The following RORA variants were observed in gnomAD, a reference collection of about 807,000 sequenced individuals.
The protein encoded by RORA is nuclear receptor ROR-alpha.
In RORA, 7 loss-of-function variants were observed where a neutral mutation model predicts 69.5. That is an observed-to-expected ratio of 0.10 (90% CI 0.06 to 0.19). RORA has a LOEUF of 0.19. RORA is among the 10% of genes least tolerant of loss of function. RORA has a pLI of 1.00. For missense variants in RORA, 457 were observed against 663.0 expected (o/e 0.69, Z 3.41); for synonymous variants, 261 against 240.8 (o/e 1.08, Z -0.78).
intron 1 of RORA, among the ~76,000 whole-genome samples, chr15:61,129,766 C>T (rs757796110): frequency 1.3e-5 from 2 of 152,166 alleles, no homozygotes; most frequent in Admixed American, 1.3e-4. Context: ...CTTCCATCTC[C>T]CTGGTTTCCT....
At chr15:61,126,639 T>C (rs147772784) in intron 1 of RORA, among the ~76,000 whole-genome samples, 11 of 152,318 alleles carry the variant, frequency 7.2e-5, no homozygotes, top group African/African-American at 2.6e-4. Flanking sequence ...AGATGCCAGA[T>C]AGAATATTCA....
At chr15:61,173,994 C>A (rs2079606903) in intron 1 of RORA, among the ~76,000 whole-genome samples, 1 of 152,184 alleles carries the variant, frequency 6.6e-6, no homozygotes, top group Non-Finnish European at 1.5e-5. Flanking sequence ...TAGCAAACTC[C>A]CCAGGAGACC....
At chr15:60,790,780 C>T (rs1254597250) in intron 1 of RORA, among the ~76,000 whole-genome samples, 1 of 152,142 alleles carries the variant, frequency 6.6e-6, no homozygotes, top group Non-Finnish European at 1.5e-5. Flanking sequence ...GCGCTCTTGT[C>T]CTGGTTATAT....
rs2065698854 is a variant in RORA at position 60,511,540 on chromosome 15, T to G, written c.506A>C (p.Gln169Pro). ...TCCAGGCTGCTGCTGGTGGTCGCGC[T>G]GCTGCTGCTGCATCCGGTGTTTCTG... Reference protein sequence around the residue: ...EVQKHRMQQQQRDHQQQPGEA... With the variant: ...EVQKHRMQQQPRDHQQQPGEA... The change falls in exon 5 of 11, where the codon CAG (glutamine) becomes CCG (proline). Residue 169 changes from glutamine (Q) to proline (P), a missense_variant. Transcript: ENST00000335670. The surrounding 1 kb of genome is among the most constrained non-coding windows in gnomAD (Gnocchi z 6.4). 6.2e-7 allele frequency: 1 copy of G among 1,612,206 alleles called. No homozygotes were observed.
At chr15:60,738,558 A>T (rs111529355) in intron 1 of RORA, among the ~76,000 whole-genome samples, 4,192 of 152,336 alleles carry the variant, frequency 0.028, 209 homozygotes, top group African/African-American at 0.097. Context: ...ATTTTATGAT[A>T]TCGTTGGTAT....
intron 1 of RORA, among the ~76,000 whole-genome samples, chr15:61,130,990 A>T (rs719006): frequency 0.55 from 84,185 of 152,068 alleles, 24,885 homozygotes; most frequent in Non-Finnish European, 0.68. Flanking sequence ...CTGACTCCAA[A>T]TATAAGTCTA....
intron 2 of RORA, among the ~76,000 whole-genome samples, chr15:60,628,178 T>A (rs2069642577): frequency 6.6e-6 from 1 of 152,196 alleles, no homozygotes; most frequent in South Asian, 2.1e-4. Flanking sequence ...CAGGATCCCA[T>A]CCGATCTCAC....
intron 1 of RORA, among the ~76,000 whole-genome samples, chr15:60,724,426 G>T (rs1299898306): frequency 6.6e-6 from 1 of 152,158 alleles, no homozygotes; most frequent in African/African-American, 2.4e-5. Flanking sequence ...CTAGTATGTG[G>T]TAGAACCAAG....
At chr15:60,547,310 T>C (rs1256790580) in intron 2 of RORA, among the ~76,000 whole-genome samples, 2 of 146,420 alleles carry the variant, frequency 1.4e-5, no homozygotes, top group East Asian at 2.1e-4. Context: ...CTGTACTTTA[T>C]AGTCCCTCTC....
chr15:61,016,281 C>T (rs1253469545), intron 1 of RORA, among the ~76,000 whole-genome samples: 1 of 152,174 alleles, frequency 6.6e-6, no homozygotes, highest in East Asian at 1.9e-4. Context: ...TTGCACCTGG[C>T]ATTCGAGAAG....
intron 1 of RORA, among the ~76,000 whole-genome samples, chr15:60,946,073 G>A (rs1312031644): frequency 2.0e-5 from 3 of 152,168 alleles, no homozygotes; most frequent in South Asian, 2.1e-4. Context: ...ATTCCAAGGG[G>A]AGAGTGAAGC....
At chr15:61,064,670 A>G (rs2078232866) in intron 1 of RORA, among the ~76,000 whole-genome samples, 1 of 152,174 alleles carries the variant, frequency 6.6e-6, no homozygotes, top group Non-Finnish European at 1.5e-5. Flanking sequence ...TACCATGGAT[A>G]GCTTTGGTGG....
chr15:60,991,275 GTGAA>G (rs34165861), intron 1 of RORA, among the ~76,000 whole-genome samples: 41,057 of 151,644 alleles, frequency 0.27, 5,713 homozygotes, highest in South Asian at 0.38. Context: ...TGTTGAGTGA[GTGAA>G]TGAATGAATG....
At chr15:60,988,661 T>C (rs1271754119) in intron 1 of RORA, among the ~76,000 whole-genome samples, 2 of 152,214 alleles carry the variant, frequency 1.3e-5, no homozygotes, top group African/African-American at 2.4e-5. Context: ...CTCCAAACGC[T>C]GTAGCTGTCT....
chr15:61,172,366 A>G (rs773800620), intron 1 of RORA, among the ~76,000 whole-genome samples: 6 of 152,234 alleles, frequency 3.9e-5, no homozygotes, highest in Non-Finnish European at 5.9e-5. Context: ...TCATGAAAAC[A>G]TAAATTAGTG....
At position 60,514,774 on chromosome 15, in the gene RORA, A is replaced by G. The variant is rs1324641558; in HGVS notation, c.283-17T>C. 1 of 1,611,056 alleles carries G rather than the reference A, an allele frequency of 6.2e-7. No individual in the cohort carries two copies. The highest frequency in any genetic ancestry group is 1.3e-5 in the African/African-American group (1 of 74,854). On this transcript the variant is annotated splice_polypyrimidine_tract_variant and intron_variant, in intron 3 of 10. Transcript: ENST00000335670. Reference sequence around the variant, plus strand: ...GAAAAAGCCCTGTGATATGGTTATAAAATATAAAACAGGTTAGTGTCAGAA... The same window carrying G: ...GAAAAAGCCCTGTGATATGGTTATAGAATATAAAACAGGTTAGTGTCAGAA...
intron 1 of RORA, among the ~76,000 whole-genome samples, chr15:60,798,183 A>C (rs2072524922): frequency 6.6e-6 from 1 of 151,842 alleles, no homozygotes; most frequent in South Asian, 2.1e-4. Flanking sequence ...ATGAGCTCAG[A>C]AGCTTTCCTC....
intron 2 of RORA, among the ~76,000 whole-genome samples, chr15:60,542,153 T>G (rs2066892344): frequency 6.6e-6 from 1 of 152,188 alleles, no homozygotes; most frequent in South Asian, 2.1e-4. Flanking sequence ...ACGGCAAGGT[T>G]TTGAAATCCA....
At chr15:61,160,399 A>C (rs754019664) in intron 1 of RORA, among the ~76,000 whole-genome samples, 20 of 152,218 alleles carry the variant, frequency 1.3e-4, no homozygotes, top group Admixed American at 7.2e-4. Context: ...TTTTCACAGC[A>C]TTGCTGTTTT....
Sources: gnomAD v4.1 joint callset for allele counts (sites outside exome capture counted in the v4.1 genomes callset) on GRCh38, gnomAD v4.1.1 for gene constraint, Gnocchi (gnomAD v3.1) non-coding constraint, MANE v1.5 for transcripts, NCBI Gene and HGNC (gene_info 2026-07-23, HGNC 2026-07-21) for gene names.